Variants in PLEKHB1 observed in about 807,000 individuals in gnomAD.
PLEKHB1 encodes the protein pleckstrin homology domain-containing family B member 1.
A neutral mutation model predicts 36.2 loss-of-function variants in PLEKHB1; 29 were observed. That is an observed-to-expected ratio of 0.80 (90% CI 0.60 to 1.09). The LOEUF (loss-of-function observed/expected upper bound fraction) is 1.09. Among genes scored for constraint, PLEKHB1 ranks in the 50% least tolerant of loss-of-function variants. The probability of loss-of-function intolerance (pLI) is 0.00; values close to 1 mark genes in which losing one functional copy is unlikely to be tolerated. For synonymous variants in PLEKHB1, 138 were observed against 140.0 expected (o/e 0.99, Z 0.10); for missense variants, 330 against 348.2 (o/e 0.95, Z 0.42).
chr11:73,661,027 C>G lies in PLEKHB1; in HGVS notation c.595+175C>G, dbSNP rs1945102710. ...CCTGAGACTGGGAGAGCTCTGGAAC[C>G]AGCGTTCGTCTCGAGCTGACCTCAC... On this transcript the variant is annotated intron_variant, in intron 7 of 7. Transcript: ENST00000354190. The surrounding 1 kb of genome is among the most constrained non-coding windows in gnomAD (Gnocchi z 4.6). 2 of 664,500 alleles carry G rather than the reference C, an allele frequency of 3.0e-6. No individual in the cohort carries two copies. Among genetic ancestry groups the G allele is most frequent in the Admixed American group, 2.6e-5 (1 of 38,460 alleles). The allele number at this position is 664,500 out of a possible 1,614,324, so 41.2% of individuals were successfully genotyped here.
At chr11:73,658,202 T>C (rs1945031394) in intron 6 of PLEKHB1, among the ~76,000 whole-genome samples, 1 of 152,180 alleles carries the variant, frequency 6.6e-6, no homozygotes, top group African/African-American at 2.4e-5. Context: ...GGGAGAGTGA[T>C]GCTTGAGTTG....
chr11:73,650,423 G>C, intron 2 of PLEKHB1, 130 bp from the exon 3 acceptor site: 1 of 1,023,610 alleles, frequency 9.8e-7, no homozygotes, highest in Non-Finnish European at 1.4e-6. Flanking sequence ...CTCATTTCAG[G>C]GGGTAGACAA....
At chr11:73,657,314 G>A (rs1438835492) in intron 6 of PLEKHB1, among the ~76,000 whole-genome samples, 1 of 152,196 alleles carries the variant, frequency 6.6e-6, no homozygotes, top group South Asian at 2.1e-4. Flanking sequence ...GGGACTCCCA[G>A]CCCATCGTTC....
chr11:73,655,571 C>T (rs967654606), intron 5 of PLEKHB1, among the ~76,000 whole-genome samples: 3 of 152,208 alleles, frequency 2.0e-5, no homozygotes, highest in Non-Finnish European at 4.4e-5. Flanking sequence ...TGGGCTAATT[C>T]TGGAAAGAGA....
intron 6 of PLEKHB1, 33 bp from the exon 7 acceptor site, chr11:73,660,720 T>C (rs908548027): frequency 6.4e-7 from 1 of 1,555,888 alleles, no homozygotes; most frequent in Non-Finnish European, 8.7e-7. Flanking sequence ...GGCCAGGGAG[T>C]TCCTGGGCAC....
Position 73,662,430 on chromosome 11 carries a change from C to G in PLEKHB1, c.*828C>G, listed in dbSNP as rs1299306680. On this transcript the variant is annotated 3_prime_UTR_variant, in exon 8 of 8. Coordinates refer to ENST00000354190, the MANE Select transcript of PLEKHB1 (RefSeq NM_021200.3). ...CCCCTGGTTGGGGAACAGGTGAGTT[C>G]TATTTGAGACTTCCAGCCCTAGAAA... The G allele has an allele frequency of 6.6e-6, 1 of 152,344 alleles. No individual in the cohort carries two copies. The allele number at this position is 152,344 out of a possible 1,614,324, so 9.4% of individuals were successfully genotyped here. A position where few individuals can be genotyped will look rare whatever the true frequency, so the allele number is the denominator to read the frequency against.
At chr11:73,652,406 C>G (rs185055175) in intron 4 of PLEKHB1, 13 of 167,010 alleles carry the variant, frequency 7.8e-5, no homozygotes, top group Admixed American at 5.9e-4. Flanking sequence ...CACATTCCGT[C>G]CCTTCCTACC....
At chr11:73,660,984 C>T (rs1357898197) in intron 7 of PLEKHB1, 132 bp downstream of exon 7, 3 of 802,052 alleles carry the variant, frequency 3.7e-6, no homozygotes, top group Admixed American at 4.4e-5. Context: ...GCAGAACTCT[C>T]CGCAAGCCCC....
rs1945143712 is a variant in PLEKHB1 at position 73,662,370 on chromosome 11, G to C, written c.*768G>C. 1 of 152,234 alleles carries C rather than the reference G, an allele frequency of 6.6e-6. No homozygotes were observed. The highest frequency in any genetic ancestry group is 2.4e-5 in the African/African-American group (1 of 41,422). 9.4% of individuals were successfully genotyped at this position (152,234 alleles called of 1,614,324 possible). On this transcript the variant is annotated 3_prime_UTR_variant, in exon 8 of 8. Transcript: ENST00000354190. ...CCTTCCCACAAACAGCTTCCTGGCT[G>C]GTACCCATGATAACAATTGAGCTGA...
In PLEKHB1 at chr11:73,655,916, T is replaced by A; in HGVS notation, c.495+9T>A. On this transcript the variant is annotated intron_variant, in intron 6 of 7. Transcript: ENST00000354190. ...TTGAGAGGCGGATCTGGGTAAGTGCTGGCTCGGCCCTCCCTGCCTCCATAC... is the reference window on the plus strand; with the variant it reads ...TTGAGAGGCGGATCTGGGTAAGTGCAGGCTCGGCCCTCCCTGCCTCCATAC... 6.2e-7 allele frequency: 1 copy of A among 1,612,660 alleles called. No individual in the cohort carries two copies. The highest frequency in any genetic ancestry group is 8.5e-7 in the Non-Finnish European group (1 of 1,178,990).
chr11:73,649,133 G>A (rs771914457), intron 2 of PLEKHB1, 46 bp downstream of exon 2: 2 of 1,552,522 alleles, frequency 1.3e-6, no homozygotes, highest in South Asian at 2.4e-5. Flanking sequence ...TGAAGGAAGT[G>A]GCTTACTGGG....
intron 1 of PLEKHB1, chr11:73,647,665 C>A: frequency 4.1e-6 from 4 of 985,438 alleles, no homozygotes; most frequent in Non-Finnish European, 4.8e-6. Flanking sequence ...AAAGCGCAGG[C>A]GCAGCGGGTT....
rs1355040573 is a variant in PLEKHB1 at position 73,655,969 on chromosome 11, AG to A, written c.495+64del. On this transcript the variant is annotated intron_variant, in intron 6 of 7. Transcript: ENST00000354190. ...GCCACCAGGATGAGCCTCCAAAACC[AG>A]GCCCAGTCCATCCCTTCCCTGTGAC... The A allele has an allele frequency of 7.9e-6, 11 of 1,395,996 alleles. No homozygotes were observed. In the African/African-American group the frequency reaches 1.4e-4, roughly 18 times the overall value. The allele number at this position is 1,395,996 out of a possible 1,614,324, so 86.5% of individuals were successfully genotyped here. A position where few individuals can be genotyped will look rare whatever the true frequency, so the allele number is the denominator to read the frequency against.
chr11:73,656,868 C>T (rs1269750672), intron 6 of PLEKHB1, among the ~76,000 whole-genome samples: 1 of 152,198 alleles, frequency 6.6e-6, no homozygotes, highest in Non-Finnish European at 1.5e-5. Context: ...AAACCTGTCT[C>T]CTGGCCAGGC....
At chr11:73,654,263 C>G (rs1191657367) in intron 5 of PLEKHB1, among the ~76,000 whole-genome samples, 1 of 152,230 alleles carries the variant, frequency 6.6e-6, no homozygotes, top group Non-Finnish European at 1.5e-5. Flanking sequence ...CAAAGCCCAG[C>G]TTGGCCTCCA....
chr11:73,649,211 C>G (rs538116092), intron 2 of PLEKHB1, 124 bp downstream of exon 2: 193 of 1,218,382 alleles, frequency 1.6e-4, no homozygotes, highest in Middle Eastern at 1.2e-3. Context: ...TGTCCATGCT[C>G]TTCCCTCTGC....
chr11:73,661,780 C>T lies in PLEKHB1; in HGVS notation c.*178C>T. Reference sequence around the variant, plus strand: ...CCCTTAATCCCCACATGGGAAGAAGCTATCATCACAGGTACAAACATCGCT... The same window carrying T: ...CCCTTAATCCCCACATGGGAAGAAGTTATCATCACAGGTACAAACATCGCT... On this transcript the variant is annotated 3_prime_UTR_variant, in exon 8 of 8. Transcript: ENST00000354190. The surrounding 1 kb of genome is among the most constrained non-coding windows in gnomAD (Gnocchi z 4.6). The T allele has an allele frequency of 1.3e-6, 1 of 749,480 alleles. No homozygotes were observed. Among genetic ancestry groups the T allele is most frequent in the Non-Finnish European group, 2.0e-6 (1 of 489,714 alleles). 46.4% of individuals were successfully genotyped at this position (749,480 alleles called of 1,614,324 possible).
chr11:73,659,664 AC>A (rs1945064456), intron 6 of PLEKHB1, among the ~76,000 whole-genome samples: 1 of 152,102 alleles, frequency 6.6e-6, no homozygotes, highest in Non-Finnish European at 1.5e-5. Flanking sequence ...TCTTCCTGAG[AC>A]CAGGAGAGCT....
At chr11:73,648,791 AC>A in intron 1 of PLEKHB1, 1 of 1,157,536 alleles carries the variant, frequency 8.6e-7, no homozygotes, top group Non-Finnish European at 1.1e-6. Flanking sequence ...CCTGGTCCCC[AC>A]CCCCACCCCA....
Sources: gnomAD v4.1 joint callset for allele counts (sites outside exome capture counted in the v4.1 genomes callset) on GRCh38, gnomAD v4.1.1 for gene constraint, Gnocchi (gnomAD v3.1) non-coding constraint, MANE v1.5 for transcripts, NCBI Gene and HGNC (gene_info 2026-07-23, HGNC 2026-07-21) for gene names.